NRP1: variants seen among roughly 807,000 people sequenced by gnomAD.
The protein encoded by NRP1 is neuropilin 1.
NRP1 carries 35 observed loss-of-function variants against 106.7 expected under a neutral mutation model. The observed-to-expected ratio is 0.33, with a 90% CI of 0.25 to 0.43. The LOEUF (loss-of-function observed/expected upper bound fraction) is 0.43, where lower values mean the gene tolerates loss of function less well. Ranked by LOEUF, NRP1 falls within the 20% of genes least tolerant of loss-of-function variation. The pLI is 1.00. For missense variants in NRP1, 1,024 were observed against 1,170.4 expected, an observed-to-expected ratio of 0.87 and a Z score of 1.83; for synonymous variants, 437 against 417.9, an observed-to-expected ratio of 1.05 and a Z score of -0.56.
intron 2 of NRP1, among the ~76,000 whole-genome samples, chr10:33,302,333 C>T (rs1845859107): frequency 6.6e-6 from 1 of 152,218 alleles, no homozygotes; most frequent in South Asian, 2.1e-4. Context: ...ATCCTGGTCT[C>T]ATCCTGTTTG....
intron 9 of NRP1, among the ~76,000 whole-genome samples, chr10:33,209,564 C>T (rs887869832): frequency 6.6e-6 from 1 of 152,316 alleles, no homozygotes; most frequent in Non-Finnish European, 1.5e-5. Flanking sequence ...GCAACCTCCA[C>T]CTCCTAGGTT....
intron 6 of NRP1, among the ~76,000 whole-genome samples, chr10:33,252,362 A>AG (rs1464632836): frequency 6.6e-6 from 1 of 152,134 alleles, no homozygotes; most frequent in South Asian, 2.1e-4. Flanking sequence ...GTGATAAGGA[A>AG]GGGGGTCTAA....
chr10:33,298,628 A>G (rs1379664016), intron 2 of NRP1, among the ~76,000 whole-genome samples: 1 of 152,096 alleles, frequency 6.6e-6, no homozygotes, highest in Non-Finnish European at 1.5e-5. Flanking sequence ...CCTTGGCTGC[A>G]TGTTGGTTTT....
At chr10:33,230,259 C>T (rs1188496054) in intron 6 of NRP1, among the ~76,000 whole-genome samples, 2 of 152,188 alleles carry the variant, frequency 1.3e-5, no homozygotes, top group African/African-American at 2.4e-5. Flanking sequence ...ACTGCTCACA[C>T]TGCTGGTGTC....
chr10:33,314,694 G>A (rs1271144674), intron 2 of NRP1, among the ~76,000 whole-genome samples: 2 of 152,128 alleles, frequency 1.3e-5, no homozygotes, highest in African/African-American at 4.8e-5. Flanking sequence ...GGAGAGCCCA[G>A]GCAGCAGTGG....
At chr10:33,270,608 T>C in intron 3 of NRP1, 67 bp downstream of exon 3, 1 of 1,390,020 alleles carries the variant, frequency 7.2e-7, no homozygotes, top group Non-Finnish European at 9.7e-7. Context: ...ATTACAGGGG[T>C]GAGCCACCAC....
intron 2 of NRP1, 70 bp from the exon 3 acceptor site, chr10:33,270,926 AC>A (rs917365819): frequency 1.5e-6 from 2 of 1,338,374 alleles, no homozygotes; most frequent in African/African-American, 3.0e-5. Context: ...TAATTTAGAC[AC>A]CAGCATCATC....
intron 2 of NRP1, among the ~76,000 whole-genome samples, chr10:33,297,884 CT>C (rs1307328716): frequency 6.6e-6 from 1 of 151,402 alleles, no homozygotes; most frequent in Non-Finnish European, 1.5e-5. Flanking sequence ...GTCTCCTGCC[CT>C]ATGAAAACCA....
chr10:33,245,626 T>A (rs1032708943), intron 6 of NRP1, among the ~76,000 whole-genome samples: 1 of 152,214 alleles, frequency 6.6e-6, no homozygotes. Context: ...TTTCATCTTG[T>A]TACAATGGAG....
chr10:33,203,575 C>T (rs2132711252), intron 10 of NRP1, among the ~76,000 whole-genome samples: 1 of 152,202 alleles, frequency 6.6e-6, no homozygotes. Flanking sequence ...TGAGCCCTCT[C>T]TCCAGGGCAG....
intron 4 of NRP1, among the ~76,000 whole-genome samples, chr10:33,256,688 C>T (rs1339430713): frequency 6.6e-6 from 1 of 152,198 alleles, no homozygotes; most frequent in Non-Finnish European, 1.5e-5. Flanking sequence ...CAGGCATAAC[C>T]GCATTCCCCA....
intron 6 of NRP1, among the ~76,000 whole-genome samples, chr10:33,227,861 G>C (rs1261121151): frequency 6.6e-6 from 1 of 152,080 alleles, no homozygotes; most frequent in Non-Finnish European, 1.5e-5. Context: ...GCCCTCATTT[G>C]TAAAATGAAG....
Position 33,232,121 on chromosome 10 carries a change from C to G in NRP1, c.982-5832G>C, listed in dbSNP as rs1277174946. On this transcript the variant is annotated intron_variant, in intron 6 of 16. Transcript: ENST00000374867. ...GCTAAGTTCTCATCAACGTCACATG[C>G]TAATAGGCAAGACTGGTGACCCAAG... 2.0e-5 allele frequency among the ~76,000 whole-genome samples: 3 copies of G among 152,228 alleles called. No homozygotes were observed. In the South Asian group the frequency reaches 6.2e-4, roughly 32 times the overall value.
chr10:33,261,465 A>T (rs1250652788), intron 4 of NRP1, among the ~76,000 whole-genome samples: 3 of 152,228 alleles, frequency 2.0e-5, no homozygotes, highest in Non-Finnish European at 4.4e-5. Context: ...CCTAATTATC[A>T]GATTGAATAC....
rs116952037 is a variant in NRP1, at chr10:33,271,947, C to T, written c.249-1091G>A. On this transcript the variant is annotated intron_variant, in intron 2 of 16. Transcript: ENST00000374867. ...GAAAACATTACAAGGCATTCATTTC[C>T]AACCTTTGTTTTATTTCTGTACTTA... is the stretch of plus-strand genomic sequence containing the variant. Among the ~76,000 whole-genome samples the T allele has an allele frequency of 6.6e-3, 1,003 of 152,186 alleles. 6 individuals are homozygous for T. The highest frequency in any genetic ancestry group is 0.011 in the Non-Finnish European group (781 of 68,014).
At chr10:33,195,687 C>A in intron 12 of NRP1, 2 of 426,890 alleles carry the variant, frequency 4.7e-6, no homozygotes, top group Non-Finnish European at 9.5e-6. Context: ...ATGCAATATT[C>A]TGGGCATTGA....
At position 33,178,353 on chromosome 10, in the gene NRP1, T is replaced by G. The variant is rs1297164730; in HGVS notation, c.*1723A>C. On this transcript the variant is annotated 3_prime_UTR_variant, in exon 17 of 17. Coordinates refer to ENST00000374867, the MANE Select transcript of NRP1 (RefSeq NM_003873.7). ...CTGCCTGGTAAGATATTTGCTTCCC[T>G]GTGCTGTTAGAGGCTTAGATGTTGC... 1 of 152,262 alleles carries G rather than the reference T, an allele frequency of 6.6e-6. No homozygotes were observed. The highest frequency in any genetic ancestry group is 2.4e-5 in the African/African-American group (1 of 41,470). The allele number at this position is 152,262 out of a possible 1,614,324, so 9.4% of individuals were successfully genotyped here.
chr10:33,240,882 G>A (rs1041993814), intron 6 of NRP1, among the ~76,000 whole-genome samples: 3 of 152,142 alleles, frequency 2.0e-5, no homozygotes, highest in Non-Finnish European at 1.5e-5. Context: ...AGTCTCTGAA[G>A]GAATGCCAAT....
intron 2 of NRP1, among the ~76,000 whole-genome samples, chr10:33,306,385 T>TGTGTGTGTGTGC (rs151172200): frequency 6.6e-6 from 1 of 150,986 alleles, no homozygotes; most frequent in African/African-American, 2.4e-5. Context: ...TGTGTGTGTG[T>TGTGTGTGTGTGC]GCACGCTCCT....
Sources: gnomAD v4.1 joint callset for allele counts (sites outside exome capture counted in the v4.1 genomes callset) on GRCh38, gnomAD v4.1.1 for gene constraint, MANE v1.5 for transcripts, NCBI Gene and HGNC (gene_info 2026-07-23, HGNC 2026-07-21) for gene names.